LRBA: variants seen among roughly 807,000 people sequenced by gnomAD.
The protein encoded by LRBA is LPS responsive beige-like anchor protein.
Under a neutral mutation model 330.0 loss-of-function variants are expected in LRBA, and 176 were observed. The observed-to-expected ratio is 0.53, with a 90% confidence interval of 0.47 to 0.60. LRBA has a LOEUF of 0.60. Among genes scored for constraint, LRBA ranks in the 20% least tolerant of loss-of-function variants. The pLI, the probability that LRBA is intolerant of heterozygous loss-of-function variation, is 0.00. For missense variants in LRBA, 3,259 were observed against 3,444.8 expected (o/e 0.95, Z 1.35); for synonymous variants, 1,230 against 1,193.0 (o/e 1.03, Z -0.64).
intron 36 of LRBA, among the ~76,000 whole-genome samples, chr4:150,723,878 C>A (rs1560731717): frequency 6.6e-6 from 1 of 152,176 alleles, no homozygotes; most frequent in Non-Finnish European, 1.5e-5. Context: ...CACAAGCTGA[C>A]AGAAGAGCCC....
intron 37 of LRBA, among the ~76,000 whole-genome samples, chr4:150,674,201 C>A (rs1157466164): frequency 6.7e-6 from 1 of 148,934 alleles, no homozygotes; most frequent in African/African-American, 2.5e-5. Flanking sequence ...TTTTTTTTTG[C>A]ATAAAAATGA....
intron 44 of LRBA, among the ~76,000 whole-genome samples, chr4:150,445,344 C>CTT (rs1752445983): frequency 3.4e-5 from 2 of 59,230 alleles, no homozygotes; most frequent in African/African-American, 1.3e-4. Context: ...TTTCGGAAAA[C>CTT]CTCTCTCTCT....
rs112475670 is a variant in LRBA, at chr4:150,446,732, A to C, written c.6781-9868T>G. Among the ~76,000 whole-genome samples the C allele has an allele frequency of 8.7e-3, 1,332 of 152,358 alleles. 18 individuals carry two copies. Among genetic ancestry groups the C allele is most frequent in the African/African-American group, 0.03 (1,268 of 41,588 alleles). ...TAAAACGGGAGCAGCCAGATTGCTG[A>C]CCAAAAACTTTGCTCCATTGCTGGC... is the stretch of plus-strand genomic sequence containing the variant. On this transcript the variant is annotated intron_variant, in intron 44 of 56. Transcript: ENST00000651943.
At chr4:150,787,500 T>C (rs1560817349) in intron 34 of LRBA, among the ~76,000 whole-genome samples, 1 of 152,186 alleles carries the variant, frequency 6.6e-6, no homozygotes, top group Non-Finnish European at 1.5e-5. Flanking sequence ...TAGCATCTTC[T>C]ATCTCAATAC....
chr4:150,845,311 C>T (rs370099575), intron 26 of LRBA, among the ~76,000 whole-genome samples: 25 of 152,054 alleles, frequency 1.6e-4, no homozygotes, highest in African/African-American at 5.8e-4. Flanking sequence ...GAGGATATAG[C>T]TTTTGAAAGA....
At chr4:150,617,786 G>A (rs770854782) in intron 37 of LRBA, among the ~76,000 whole-genome samples, 29 of 151,810 alleles carry the variant, frequency 1.9e-4, no homozygotes, top group African/African-American at 6.1e-4. Context: ...ACTAAACCTC[G>A]TCTATTAATC....
Position 150,881,741 on chromosome 4 carries a change from G to A in LRBA, c.2166-8986C>T, listed in dbSNP as rs537361882. Among the ~76,000 whole-genome samples, 16 of 151,930 alleles carry A rather than the reference G, an allele frequency of 1.1e-4. 1 individual carries two copies. The highest frequency in any genetic ancestry group is 2.4e-4 in the African/African-American group (10 of 41,522). On this transcript the variant is annotated intron_variant, in intron 17 of 56. Coordinates refer to ENST00000651943, the MANE Select transcript of LRBA (RefSeq NM_001364905.1). ...CTGTAACACACTAAGATATTTTAACGTATCAAAAAACTATCCTTGCTATAG... is the reference window on the plus strand; with the variant it reads ...CTGTAACACACTAAGATATTTTAACATATCAAAAAACTATCCTTGCTATAG...
At chr4:150,331,674 CA>C (rs1222405776) in intron 48 of LRBA, among the ~76,000 whole-genome samples, 1 of 151,990 alleles carries the variant, frequency 6.6e-6, no homozygotes, top group Non-Finnish European at 1.5e-5. Flanking sequence ...TTACAATGAC[CA>C]AAAATATAAG....
At chr4:150,660,463 C>T (rs1377214203) in intron 37 of LRBA, among the ~76,000 whole-genome samples, 2 of 150,158 alleles carry the variant, frequency 1.3e-5, no homozygotes, top group Non-Finnish European at 3.0e-5. Flanking sequence ...CCAGCCGCCC[C>T]GTCCGGGAGG....
At chr4:150,945,713 T>C (rs1253795459) in intron 2 of LRBA, among the ~76,000 whole-genome samples, 1 of 152,138 alleles carries the variant, frequency 6.6e-6, no homozygotes, top group East Asian at 1.9e-4. Context: ...GGATATAGTA[T>C]CTGAATATTC....
intron 37 of LRBA, among the ~76,000 whole-genome samples, chr4:150,612,841 A>C (rs1775405660): frequency 6.6e-6 from 1 of 152,188 alleles, no homozygotes; most frequent in Admixed American, 6.5e-5. Flanking sequence ...GAAAAGTAAA[A>C]ACCCAGAGTG....
At chr4:150,854,462 C>T (rs1490658509) in intron 22 of LRBA, among the ~76,000 whole-genome samples, 2 of 152,152 alleles carry the variant, frequency 1.3e-5, no homozygotes, top group Non-Finnish European at 2.9e-5. Flanking sequence ...ACATCGGTAG[C>T]AGGCCAGGCA....
intron 22 of LRBA, among the ~76,000 whole-genome samples, chr4:150,858,765 G>C (rs1381633652): frequency 6.6e-6 from 1 of 152,042 alleles, no homozygotes; most frequent in Non-Finnish European, 1.5e-5. Flanking sequence ...GGCCTCAAGT[G>C]ATCCACCTGC....
At position 150,652,719 on chromosome 4, in the gene LRBA, C is replaced by T. The variant is rs144082307; in HGVS notation, c.5921+30832G>A. ...TGAATATTAATCCAAATCCAGTGAG[C>T]ATTTTACAACTTATGGCACATCTCA... On this transcript the variant is annotated intron_variant, in intron 37 of 56. Transcript: ENST00000651943. 3.1e-3 allele frequency among the ~76,000 whole-genome samples: 471 copies of T among 152,256 alleles called. 1 individual carries two copies. Among genetic ancestry groups the T allele is most frequent in the African/African-American group, 0.011 (448 of 41,530 alleles).
At chr4:150,662,255 A>G (rs1178094419) in intron 37 of LRBA, among the ~76,000 whole-genome samples, 1 of 152,204 alleles carries the variant, frequency 6.6e-6, no homozygotes, top group Admixed American at 6.5e-5. Flanking sequence ...AACTTTTTAG[A>G]AAGTTCAGAA....
Position 150,989,448 on chromosome 4 carries a change from A to G in LRBA, c.216+24979T>C, listed in dbSNP as rs149684925. Among the ~76,000 whole-genome samples, 113 of 151,946 alleles carry G rather than the reference A, an allele frequency of 7.4e-4. 1 individual carries two copies. Among genetic ancestry groups the G allele is most frequent in the African/African-American group, 2.1e-3 (88 of 41,504 alleles). On this transcript the variant is annotated intron_variant, in intron 2 of 56. Coordinates refer to ENST00000651943, the MANE Select transcript of LRBA (RefSeq NM_001364905.1). ...GCCAATATGGTGAAACCTCGACTCTACTAAAAATACAAAAAGTAGCCAGGC... is the reference window on the plus strand; with the variant it reads ...GCCAATATGGTGAAACCTCGACTCTGCTAAAAATACAAAAAGTAGCCAGGC...
At chr4:150,622,950 G>A (rs1407554477) in intron 37 of LRBA, among the ~76,000 whole-genome samples, 1 of 152,076 alleles carries the variant, frequency 6.6e-6, no homozygotes, top group African/African-American at 2.4e-5. Flanking sequence ...ACCCGCCTCG[G>A]CCTCCCAAAG....
chr4:150,316,954 C>G (rs1303594282), intron 50 of LRBA, among the ~76,000 whole-genome samples: 1 of 152,046 alleles, frequency 6.6e-6, no homozygotes, highest in African/African-American at 2.4e-5. Context: ...AACTGTGGTG[C>G]CATCCATTTT....
intron 40 of LRBA, among the ~76,000 whole-genome samples, chr4:150,520,716 A>G (rs1454417524): frequency 1.3e-5 from 2 of 152,188 alleles, no homozygotes; most frequent in African/African-American, 4.8e-5. Context: ...ATTCTCACTT[A>G]TTTGTGACAG....
Sources: gnomAD v4.1 joint callset for allele counts (sites outside exome capture counted in the v4.1 genomes callset) on GRCh38, gnomAD v4.1.1 for gene constraint, MANE v1.5 for transcripts, NCBI Gene and HGNC (gene_info 2026-07-23, HGNC 2026-07-21) for gene names.